The following SGCD variants were observed in gnomAD, a reference collection of about 807,000 sequenced individuals.
The protein encoded by SGCD is delta-sarcoglycan.
A neutral mutation model predicts 36.6 loss-of-function variants in SGCD; 18 were observed. That is an observed-to-expected ratio of 0.49 (90% CI 0.34 to 0.73). The LOEUF is 0.73. SGCD is among the 30% of genes least tolerant of loss of function. The probability of loss-of-function intolerance (pLI) is 0.01; values close to 1 mark genes in which losing one functional copy is unlikely to be tolerated. For missense variants in SGCD, 387 were observed against 346.7 expected (o/e 1.12, Z -0.92); for synonymous variants, 133 against 130.6 (o/e 1.02, Z -0.12).
intron 6 of SGCD, among the ~76,000 whole-genome samples, chr5:156,644,097 A>C (rs907290957): frequency 1.3e-5 from 2 of 152,198 alleles, no homozygotes; most frequent in African/African-American, 2.4e-5. Context: ...TAAAGAGTAC[A>C]CTTAAGTAAT....
intron 2 of SGCD, among the ~76,000 whole-genome samples, chr5:156,118,597 TTAAC>T (rs1458905102): frequency 1.3e-5 from 2 of 152,178 alleles, no homozygotes; most frequent in African/African-American, 2.4e-5. Flanking sequence ...ACATATTTCA[TTAAC>T]TAGCCAAGAA....
intron 6 of SGCD, among the ~76,000 whole-genome samples, chr5:156,603,387 T>C (rs1354264132): frequency 6.6e-6 from 1 of 152,206 alleles, no homozygotes; most frequent in East Asian, 1.9e-4. Flanking sequence ...AACAACTTTG[T>C]TTCATTGATC....
chr5:155,928,152 A>G (rs540206855), intron 1 of SGCD, among the ~76,000 whole-genome samples: 8 of 152,268 alleles, frequency 5.3e-5, no homozygotes, highest in African/African-American at 1.9e-4. Context: ...AATGGAAGGG[A>G]GGTAGCTATT....
intron 7 of SGCD, among the ~76,000 whole-genome samples, chr5:156,710,041 G>C: frequency 6.6e-6 from 1 of 152,010 alleles, no homozygotes; most frequent in East Asian, 1.9e-4. Flanking sequence ...GTGGGATCTT[G>C]GGAGAGTTTT....
the SGCD span, among the ~76,000 whole-genome samples, chr5:155,784,885 A>T: frequency 2.0e-5 from 3 of 151,984 alleles, no homozygotes; most frequent in Non-Finnish European, 4.4e-5. Flanking sequence ...TTTTTAATTT[A>T]TGAGGATTCT....
At chr5:155,882,598 T>A (rs1484773261) in intron 1 of SGCD, among the ~76,000 whole-genome samples, 2 of 152,198 alleles carry the variant, frequency 1.3e-5, no homozygotes, top group Non-Finnish European at 2.9e-5. Flanking sequence ...TCCTTGTACA[T>A]CCCCATCAGA....
chr5:155,835,153 C>T, the SGCD span, among the ~76,000 whole-genome samples: 144 of 151,504 alleles, frequency 9.5e-4, no homozygotes, highest in African/African-American at 3.3e-3. Context: ...GGATTACAGG[C>T]GCCCACCACC....
chr5:155,971,705 T>C (rs1758009454), intron 1 of SGCD, among the ~76,000 whole-genome samples: 1 of 152,084 alleles, frequency 6.6e-6, no homozygotes, highest in African/African-American at 2.4e-5. Context: ...TACCTGGGAA[T>C]TGTCCAAAGT....
At chr5:156,002,584 A>G (rs916093568) in intron 1 of SGCD, among the ~76,000 whole-genome samples, 36 of 152,162 alleles carry the variant, frequency 2.4e-4, no homozygotes, top group African/African-American at 8.0e-4. Context: ...CATCTGTCAG[A>G]TGCCAGCCTA....
chr5:156,153,572 C>G lies in SGCD; in HGVS notation c.-44+29553C>G, dbSNP rs145651347. 7.5e-3 allele frequency among the ~76,000 whole-genome samples: 1,138 copies of G among 151,732 alleles called. 8 individuals carry two copies. Among genetic ancestry groups the G allele is most frequent in the Middle Eastern group, 0.014 (4 of 294 alleles). The stretch of plus-strand genomic sequence containing the variant: ...ATAGACTTGAGAGCAGCCTAGTGGA[C>G]TACCTTGGCCTTATTTTGGCTGATA... On this transcript the variant is annotated intron_variant, in intron 3 of 9. Transcript: ENST00000517913.
At chr5:156,072,509 C>T (rs1489049775) in intron 1 of SGCD, among the ~76,000 whole-genome samples, 1 of 151,884 alleles carries the variant, frequency 6.6e-6, no homozygotes, top group Non-Finnish European at 1.5e-5. Context: ...CGCTGTTAGT[C>T]TGATGGGCTT....
At chr5:155,962,938 C>T (rs1757821537) in intron 1 of SGCD, among the ~76,000 whole-genome samples, 1 of 152,134 alleles carries the variant, frequency 6.6e-6, no homozygotes, top group South Asian at 2.1e-4. Flanking sequence ...TTTGCAAAAG[C>T]CCTTTGAAAA....
chr5:156,463,332 G>A (rs956270807), intron 3 of SGCD, among the ~76,000 whole-genome samples: 6 of 151,976 alleles, frequency 3.9e-5, no homozygotes, highest in East Asian at 3.9e-4. Context: ...ATGAGCCACC[G>A]TGCCCAGCCT....
intron 6 of SGCD, among the ~76,000 whole-genome samples, chr5:156,634,545 T>C (rs1268711665): frequency 1.3e-5 from 2 of 152,172 alleles, no homozygotes; most frequent in African/African-American, 2.4e-5. Context: ...ACTGAATGAT[T>C]CTGTTTATAT....
intron 6 of SGCD, among the ~76,000 whole-genome samples, chr5:156,601,657 G>T (rs1010672380): frequency 6.6e-6 from 1 of 151,910 alleles, no homozygotes; most frequent in Non-Finnish European, 1.5e-5. Flanking sequence ...TCCTATTTCT[G>T]TGAATAATGT....
At chr5:156,588,950 A>C (rs1760604173) in intron 4 of SGCD, among the ~76,000 whole-genome samples, 1 of 150,730 alleles carries the variant, frequency 6.6e-6, no homozygotes, top group Non-Finnish European at 1.5e-5. Context: ...TCTCTGATTC[A>C]ACCATAATAA....
intron 1 of SGCD, among the ~76,000 whole-genome samples, chr5:155,971,110 T>C (rs760990847): frequency 1.3e-5 from 2 of 152,184 alleles, no homozygotes; most frequent in Non-Finnish European, 2.9e-5. Context: ...CTTTAGACTT[T>C]TTGGGAAGAT....
chr5:156,329,454 GC>G (rs1240501298), intron 1 of SGCD, 79 bp from the exon 2 acceptor site: 13 of 979,842 alleles, frequency 1.3e-5, no homozygotes, highest in Admixed American at 1.3e-4. Flanking sequence ...GAATGGCATT[GC>G]CTGAGGGTTC....
At chr5:155,973,266 T>C (rs116090941) in intron 1 of SGCD, among the ~76,000 whole-genome samples, 2,964 of 152,266 alleles carry the variant, frequency 0.019, 106 homozygotes, top group African/African-American at 0.067. Flanking sequence ...TAATAACCCA[T>C]AGCATATTTG....
Sources: allele counts gnomAD v4.1 joint callset (sites outside exome capture counted in the v4.1 genomes callset), GRCh38; gene constraint gnomAD v4.1.1; transcripts MANE v1.5; gene names NCBI Gene and HGNC (gene_info 2026-07-23, HGNC 2026-07-21).